Variants in VTA1 observed in about 807,000 individuals in gnomAD.
VTA1 encodes vacuolar protein sorting-associated protein VTA1 homolog.
In VTA1, 24 loss-of-function variants were observed where a neutral mutation model predicts 36.9. The ratio of observed to expected loss-of-function variants is 0.65; its 90% confidence interval spans 0.47 to 0.91. The LOEUF is 0.91. Among genes scored for constraint, VTA1 ranks in the 40% least tolerant of loss-of-function variants. The pLI is 0.00. For synonymous variants in VTA1, 142 were observed against 130.2 expected (o/e 1.09, Z -0.62); for missense variants, 393 against 377.2 (o/e 1.04, Z -0.35).
chr6:142,149,086 A>G (rs944405442), intron 1 of VTA1, among the ~76,000 whole-genome samples: 4 of 152,226 alleles, frequency 2.6e-5, no homozygotes, highest in African/African-American at 9.7e-5. Context: ...TTATTTAAAA[A>G]TATAACATAA....
At chr6:142,177,533 G>A (rs1378414661) in intron 4 of VTA1, among the ~76,000 whole-genome samples, 1 of 152,162 alleles carries the variant, frequency 6.6e-6, no homozygotes, top group East Asian at 1.9e-4. Flanking sequence ...AAGGAGTATA[G>A]CTTGAGAAGG....
rs1413113957 is a variant in VTA1 at position 142,220,591 on chromosome 6, T to G, written c.*1948T>G. The G allele has an allele frequency of 6.6e-6, 1 of 152,220 alleles. No individual in the cohort carries two copies. Among genetic ancestry groups the G allele is most frequent in the Non-Finnish European group, 1.5e-5 (1 of 68,034 alleles). The allele number at this position is 152,220 out of a possible 1,614,324, so 9.4% of individuals were successfully genotyped here. On this transcript the variant is annotated 3_prime_UTR_variant, in exon 8 of 8. Transcript: ENST00000367630. The stretch of plus-strand genomic sequence containing the variant: ...AAATGTTTAGTGTCAATACTAATGC[T>G]CTAATAATGTAAATTGTTAATAATT...
At chr6:142,159,918 A>G (rs947320757) in intron 1 of VTA1, among the ~76,000 whole-genome samples, 1 of 152,078 alleles carries the variant, frequency 6.6e-6, no homozygotes, top group African/African-American at 2.4e-5. Context: ...GTTCTCTAGT[A>G]TGTTAATGTC....
At chr6:142,199,368 C>G (rs1413410920) in intron 6 of VTA1, among the ~76,000 whole-genome samples, 1 of 152,030 alleles carries the variant, frequency 6.6e-6, no homozygotes. Context: ...ACACTTGCAG[C>G]TATAATTTAA....
chr6:142,195,953 C>G (rs1338819123), intron 5 of VTA1, among the ~76,000 whole-genome samples: 1 of 152,070 alleles, frequency 6.6e-6, no homozygotes, highest in Non-Finnish European at 1.5e-5. Context: ...AGCATATGAT[C>G]TGTCTTGGTG....
At chr6:142,166,379 A>G in intron 2 of VTA1, 57 bp downstream of exon 2, 1 of 1,290,862 alleles carries the variant, frequency 7.7e-7, no homozygotes, top group Non-Finnish European at 1.1e-6. Context: ...CATTTTATTC[A>G]TTTGCGTGTC....
intron 4 of VTA1, among the ~76,000 whole-genome samples, chr6:142,178,773 A>T (rs954576507): frequency 3.3e-5 from 5 of 152,238 alleles, no homozygotes; most frequent in African/African-American, 1.2e-4. Flanking sequence ...TTGTAAATGG[A>T]CTAACACCCA....
At chr6:142,213,347 A>T (rs968896586) in intron 7 of VTA1, among the ~76,000 whole-genome samples, 2 of 151,970 alleles carry the variant, frequency 1.3e-5, no homozygotes, top group African/African-American at 4.8e-5. Flanking sequence ...GGGCAGCTCC[A>T]CCCCTGTGGC....
chr6:142,182,876 G>A (rs72993075), intron 4 of VTA1, among the ~76,000 whole-genome samples: 19 of 152,246 alleles, frequency 1.2e-4, no homozygotes, highest in Middle Eastern at 3.4e-3. Context: ...ATTAGACTGC[G>A]TGAGATCATC....
Position 142,212,799 on chromosome 6 carries a change from T to C in VTA1, c.779-5699T>C, listed in dbSNP as rs192984799. On this transcript the variant is annotated intron_variant, in intron 7 of 7. Transcript: ENST00000367630. ...GGGAAGGGGGAAGTGCCACACACTT[T>C]TAAACCATCAGATCTCGTGAGACCT... 1.8e-3 allele frequency among the ~76,000 whole-genome samples: 267 copies of C among 152,186 alleles called. 1 individual carries two copies. Among genetic ancestry groups the C allele is most frequent in the Non-Finnish European group, 2.6e-3 (179 of 68,000 alleles).
At chr6:142,187,561 T>G (rs141935141) in intron 4 of VTA1, among the ~76,000 whole-genome samples, 2 of 152,082 alleles carry the variant, frequency 1.3e-5, no homozygotes, top group African/African-American at 4.8e-5. Flanking sequence ...AAAAGAAATA[T>G]ACCCTCCCCA....
At chr6:142,211,603 C>G (rs770850303) in intron 7 of VTA1, among the ~76,000 whole-genome samples, 2 of 151,564 alleles carry the variant, frequency 1.3e-5, no homozygotes, top group East Asian at 3.9e-4. Flanking sequence ...CCCAGCTACT[C>G]GGGAGGCTGA....
At chr6:142,166,364 A>T (rs879182887) in intron 2 of VTA1, 42 bp downstream of exon 2, 2 of 1,418,068 alleles carry the variant, frequency 1.4e-6, no homozygotes, top group South Asian at 1.2e-5. Context: ...TTATGGTTAA[A>T]ATACCATTTT....
intron 4 of VTA1, among the ~76,000 whole-genome samples, chr6:142,175,730 A>G (rs1775109601): frequency 6.6e-6 from 1 of 152,042 alleles, no homozygotes; most frequent in Non-Finnish European, 1.5e-5. Context: ...CTAAAATGTA[A>G]TAGATCTCAT....
intron 4 of VTA1, among the ~76,000 whole-genome samples, chr6:142,177,637 A>T (rs1775151520): frequency 6.6e-6 from 1 of 152,104 alleles, no homozygotes; most frequent in Non-Finnish European, 1.5e-5. Flanking sequence ...AAAAAAAAAT[A>T]TGCTAAATGT....
At position 142,195,162 on chromosome 6, in the gene VTA1, T is replaced by G. The variant is rs554501459; in HGVS notation, c.521-3277T>G. ...GAAATTGTTTGCATAAGATTGGTAT[T>G]TTTTCTTACTTGAATGTTTGATATA... On this transcript the variant is annotated intron_variant, in intron 5 of 7. Transcript: ENST00000367630. Among the ~76,000 whole-genome samples the G allele has an allele frequency of 6.2e-4, 94 of 152,224 alleles. 1 individual carries two copies. Among genetic ancestry groups the G allele is most frequent in the African/African-American group, 2.2e-3 (92 of 41,568 alleles).
chr6:142,199,206 G>C (rs1775630070), intron 6 of VTA1, among the ~76,000 whole-genome samples: 2 of 151,820 alleles, frequency 1.3e-5, no homozygotes, highest in African/African-American at 4.8e-5. Flanking sequence ...GAATAAATCA[G>C]TACTGTATGT....
intron 5 of VTA1, among the ~76,000 whole-genome samples, chr6:142,195,595 C>CTTTTTTTTT (rs72442499): frequency 9.9e-5 from 7 of 70,706 alleles, no homozygotes; most frequent in East Asian, 9.5e-4. Flanking sequence ...GTTTAATTTG[C>CTTTTTTTTT]TTTTTTTTTT....
rs1776132156 is a variant in VTA1, at chr6:142,222,637, G to T, written c.*3994G>T. ...TATTTTCAACTCTAAAAGAATAATA[G>T]CTAATGGAGTTGATGGGTTTTGGTT... On this transcript the variant is annotated 3_prime_UTR_variant, in exon 8 of 8. Coordinates refer to ENST00000367630, the MANE Select transcript of VTA1 (RefSeq NM_016485.5). 3 of 51,832 alleles carry T rather than the reference G, an allele frequency of 5.8e-5. No homozygotes were observed. The South Asian group carries it at 1.9e-3, about 32-fold the overall frequency. 3.2% of individuals were successfully genotyped at this position (51,832 alleles called of 1,614,324 possible). A position where few individuals can be genotyped will look rare whatever the true frequency, so the allele number is the denominator to read the frequency against.
Sources: gnomAD v4.1 joint callset for allele counts (sites outside exome capture counted in the v4.1 genomes callset) on GRCh38, gnomAD v4.1.1 for gene constraint, MANE v1.5 for transcripts, NCBI Gene and HGNC (gene_info 2026-07-23, HGNC 2026-07-21) for gene names.